SGCZ: variants seen among roughly 807,000 people sequenced by gnomAD.
The protein encoded by SGCZ is zeta-sarcoglycan.
Under a neutral mutation model 41.3 loss-of-function variants are expected in SGCZ, and 40 were observed. The observed-to-expected ratio is 0.97, with a 90% CI of 0.75 to 1.26. The LOEUF (loss-of-function observed/expected upper bound fraction) is 1.26, where lower values mean the gene tolerates loss of function less well. SGCZ is among the 50% of genes most tolerant of loss of function. The pLI is 0.00. For synonymous variants in SGCZ, 206 were observed against 137.5 expected (o/e 1.50, Z -3.49); for missense variants, 552 against 369.8 (o/e 1.49, Z -4.04).
intron 1 of SGCZ, among the ~76,000 whole-genome samples, chr8:15,133,265 T>C (rs559156487): frequency 6.6e-5 from 10 of 152,346 alleles, no homozygotes; most frequent in East Asian, 5.8e-4. Context: ...GTATGTGTTT[T>C]TGATAAACTC....
intron 1 of SGCZ, among the ~76,000 whole-genome samples, chr8:15,039,992 T>C (rs1044546016): frequency 3.3e-5 from 5 of 152,294 alleles, no homozygotes; most frequent in Admixed American, 2.0e-4. Context: ...ACACATTTAA[T>C]TTGCAAAAAA....
At chr8:14,446,813 T>C (rs539180121) in intron 2 of SGCZ, among the ~76,000 whole-genome samples, 1 of 152,296 alleles carries the variant, frequency 6.6e-6, no homozygotes, top group East Asian at 1.9e-4. Flanking sequence ...AACTAATACG[T>C]ATATGGACCA....
chr8:14,352,945 G>C (rs565027710), intron 2 of SGCZ, among the ~76,000 whole-genome samples: 2 of 151,964 alleles, frequency 1.3e-5, no homozygotes, highest in African/African-American at 2.4e-5. Context: ...GATTTCTTTT[G>C]CTTTTGAAAT....
At chr8:14,593,547 T>C (rs2117291275) in intron 1 of SGCZ, among the ~76,000 whole-genome samples, 1 of 152,334 alleles carries the variant, frequency 6.6e-6, no homozygotes, top group South Asian at 2.1e-4. Flanking sequence ...TCTTTGATTC[T>C]CATGTCACAG....
At chr8:14,359,859 A>G (rs1452694236) in intron 2 of SGCZ, among the ~76,000 whole-genome samples, 1 of 152,306 alleles carries the variant, frequency 6.6e-6, no homozygotes, top group South Asian at 2.1e-4. Flanking sequence ...CTGATGAAAA[A>G]ACATCAACAG....
intron 1 of SGCZ, among the ~76,000 whole-genome samples, chr8:14,878,852 G>A (rs1804467344): frequency 6.6e-6 from 1 of 152,224 alleles, no homozygotes; most frequent in African/African-American, 2.4e-5. Flanking sequence ...TCAAGAAACA[G>A]ATGGACAGTG....
intron 1 of SGCZ, among the ~76,000 whole-genome samples, chr8:14,766,186 C>T (rs1301057724): frequency 6.6e-6 from 1 of 152,006 alleles, no homozygotes; most frequent in Admixed American, 6.5e-5. Flanking sequence ...CCTTGAAGTC[C>T]TGACCTCAGG....
At chr8:14,188,823 T>TC (rs1804993044) in intron 4 of SGCZ, among the ~76,000 whole-genome samples, 1 of 18,440 alleles carries the variant, frequency 5.4e-5, no homozygotes, top group Non-Finnish European at 1.1e-4. Flanking sequence ...TTTGTTTCTT[T>TC]GTTTTTTTTT....
chr8:14,289,050 A>C (rs963499690), intron 3 of SGCZ, among the ~76,000 whole-genome samples: 4 of 152,116 alleles, frequency 2.6e-5, no homozygotes, highest in South Asian at 4.1e-4. Flanking sequence ...ATCTGTATGT[A>C]CTTGATATCT....
chr8:15,102,326 TGG>T (rs891310493), intron 1 of SGCZ, among the ~76,000 whole-genome samples: 3 of 152,070 alleles, frequency 2.0e-5, no homozygotes, highest in Admixed American at 2.0e-4. Flanking sequence ...TAAAACTATG[TGG>T]AGAATAAAAA....
chr8:14,616,830 A>C (rs1806121719), intron 1 of SGCZ, among the ~76,000 whole-genome samples: 1 of 152,148 alleles, frequency 6.6e-6, no homozygotes, highest in Non-Finnish European at 1.5e-5. Flanking sequence ...AGATCTCCAT[A>C]AGCCTTATCT....
chr8:14,578,805 A>C (rs1463995), intron 1 of SGCZ, among the ~76,000 whole-genome samples: 15,761 of 152,210 alleles, frequency 0.1, 1,093 homozygotes, highest in East Asian at 0.3. Context: ...AGTCATTAAG[A>C]CATTGTCTCT....
At chr8:15,114,734 G>A (rs936249754) in intron 1 of SGCZ, among the ~76,000 whole-genome samples, 1 of 151,222 alleles carries the variant, frequency 6.6e-6, no homozygotes, top group Admixed American at 6.6e-5. Flanking sequence ...TCCTGGAATC[G>A]AGATACAAGC....
At chr8:14,143,382 C>T (rs1284607845) in intron 5 of SGCZ, among the ~76,000 whole-genome samples, 1 of 152,084 alleles carries the variant, frequency 6.6e-6, no homozygotes, top group Non-Finnish European at 1.5e-5. Flanking sequence ...AAAATTTTCT[C>T]TATTTGAAAA....
chr8:15,136,078 T>G (rs1418862343), intron 1 of SGCZ, among the ~76,000 whole-genome samples: 1 of 152,084 alleles, frequency 6.6e-6, no homozygotes, highest in African/African-American at 2.4e-5. Context: ...AGGACACTGG[T>G]GGGCATGGCT....
intron 5 of SGCZ, among the ~76,000 whole-genome samples, chr8:14,156,509 C>A (rs939899585): frequency 6.6e-6 from 1 of 151,932 alleles, no homozygotes; most frequent in Admixed American, 6.6e-5. Context: ...TTTCTTTCTT[C>A]AACAATAACC....
At chr8:14,650,743 A>G (rs767612207) in intron 1 of SGCZ, among the ~76,000 whole-genome samples, 1 of 152,068 alleles carries the variant, frequency 6.6e-6, no homozygotes, top group Non-Finnish European at 1.5e-5. Context: ...GAGGAAAGCA[A>G]TGCAAAGAAA....
At chr8:15,035,612 C>A (rs1234799036) in intron 1 of SGCZ, among the ~76,000 whole-genome samples, 1 of 152,012 alleles carries the variant, frequency 6.6e-6, no homozygotes, top group Non-Finnish European at 1.5e-5. Flanking sequence ...GAGACCTAAC[C>A]TTTCAGGACA....
At chr8:14,885,711 G>C (rs1048370031) in intron 1 of SGCZ, among the ~76,000 whole-genome samples, 16 of 152,012 alleles carry the variant, frequency 1.1e-4, no homozygotes, top group African/African-American at 3.9e-4. Context: ...AGTGATGCAT[G>C]ATTTTAAAAA....
Sources: gnomAD v4.1 joint callset for allele counts (sites outside exome capture counted in the v4.1 genomes callset) on GRCh38, gnomAD v4.1.1 for gene constraint, MANE v1.5 for transcripts, NCBI Gene and HGNC (gene_info 2026-07-23, HGNC 2026-07-21) for gene names.